MPRIP: variants seen among roughly 807,000 people sequenced by gnomAD.
The protein encoded by MPRIP is myosin phosphatase Rho-interacting protein.
In MPRIP, 59 loss-of-function variants were observed where a neutral mutation model predicts 234.9. The observed-to-expected ratio is 0.25, with a 90% CI of 0.20 to 0.31. The LOEUF is 0.31. MPRIP is among the 10% of genes least tolerant of loss of function. The pLI, the probability that MPRIP is intolerant of heterozygous loss-of-function variation, is 1.00. For synonymous variants in MPRIP, 1,144 were observed against 1,263.9 expected (o/e 0.91, Z 2.01); for missense variants, 2,436 against 3,071.0 (o/e 0.79, Z 4.89).
chr17:17,183,246 C>G (rs2046409597), intron 23 of MPRIP: 1 of 152,310 alleles, frequency 6.6e-6, no homozygotes, highest in African/African-American at 2.4e-5. Flanking sequence ...GACGGAGTCT[C>G]GCTCTGTCGC....
At chr17:17,062,805 C>A (rs1035843404) in intron 1 of MPRIP, among the ~76,000 whole-genome samples, 2 of 152,180 alleles carry the variant, frequency 1.3e-5, no homozygotes, top group Non-Finnish European at 2.9e-5. Flanking sequence ...AGGAATGAGA[C>A]TGTTTGCTTC....
chr17:17,176,395 ATATTGGT>A, intron 20 of MPRIP, 24 bp from the exon 21 acceptor site: 1 of 1,561,456 alleles, frequency 6.4e-7, no homozygotes, highest in Non-Finnish European at 8.8e-7. Context: ...TTGCTCCTGA[ATATTGGT>A]CCCTGATCTC....
chr17:17,053,930 C>CTTACTGCATAGTTT (rs2088617536), intron 1 of MPRIP, among the ~76,000 whole-genome samples: 1 of 152,216 alleles, frequency 6.6e-6, no homozygotes, highest in Non-Finnish European at 1.5e-5. Flanking sequence ...TCCTCACCGT[C>CTTACTGCATAGTTT]ATTGATGGGC....
intron 1 of MPRIP, among the ~76,000 whole-genome samples, chr17:17,063,307 A>G (rs2088922212): frequency 6.6e-6 from 1 of 152,180 alleles, no homozygotes; most frequent in South Asian, 2.1e-4. Flanking sequence ...CCAACTTTGT[A>G]CTGGGTGCTT....
intron 3 of MPRIP, among the ~76,000 whole-genome samples, chr17:17,119,881 C>T (rs2090355884): frequency 6.6e-6 from 1 of 152,172 alleles, no homozygotes; most frequent in Admixed American, 6.5e-5. Context: ...TGCATGTGTG[C>T]ACTTGTGTGT....
At chr17:17,113,650 G>A (rs533313202) in intron 3 of MPRIP, among the ~76,000 whole-genome samples, 55 of 152,224 alleles carry the variant, frequency 3.6e-4, no homozygotes, top group Non-Finnish European at 6.3e-4. Flanking sequence ...CAGTTCCTCT[G>A]GGTATATACC....
Position 17,154,387 on chromosome 17 carries a change from C to T in MPRIP, c.1801C>T (p.His601Tyr). 1.2e-6 allele frequency: 2 copies of T among 1,614,164 alleles called. No homozygotes were observed. Among genetic ancestry groups the T allele is most frequent in the Non-Finnish European group, 8.5e-7 (1 of 1,180,008 alleles). Residue 601 changes from histidine to tyrosine, a missense_variant, in exon 13 of 24, where the codon CAC becomes TAC. Coordinates refer to ENST00000651222, the MANE Select transcript of MPRIP (RefSeq NM_001364716.4). ...GATCCAGACCATCATGAAGCACGTG[C>T]ACCCGACCACTGCCCCGGATGTGAC... Reference protein sequence around the residue: ...NWIQTIMKHVHPTTAPDVTSS... With the variant: ...NWIQTIMKHVYPTTAPDVTSS...
chr17:17,150,041 T>C (rs1254724331), intron 11 of MPRIP, 103 bp from the exon 12 acceptor site: 2 of 833,140 alleles, frequency 2.4e-6, no homozygotes, highest in Non-Finnish European at 4.1e-6. Flanking sequence ...GTGTATACTA[T>C]TAAAAGTAAA....
intron 16 of MPRIP, chr17:17,168,896 C>T (rs1396985218): frequency 2.2e-6 from 1 of 456,568 alleles, no homozygotes; most frequent in Non-Finnish European, 4.4e-6. Context: ...GCTGCCACTG[C>T]TCCTGCCTAC....
At chr17:17,067,790 C>T (rs1481796609) in intron 1 of MPRIP, among the ~76,000 whole-genome samples, 22 of 76,774 alleles carry the variant, frequency 2.9e-4, no homozygotes, top group East Asian at 9.0e-4. Flanking sequence ...CTTCTTCTTC[C>T]TTTTTTTTTT....
At chr17:17,086,283 G>T (rs1361461708) in intron 3 of MPRIP, among the ~76,000 whole-genome samples, 1 of 152,146 alleles carries the variant, frequency 6.6e-6, no homozygotes, top group East Asian at 1.9e-4. Flanking sequence ...GTGTTGAGAA[G>T]GTTCTTCCAG....
Position 17,078,166 on chromosome 17 carries a change from A to C in MPRIP, c.267+90A>C. 1 of 1,295,376 alleles carries C rather than the reference A, an allele frequency of 7.7e-7. No homozygotes were observed. The highest frequency in any genetic ancestry group is 1.1e-6 in the Non-Finnish European group (1 of 896,168). 80.2% of individuals were successfully genotyped at this position (1,295,376 alleles called of 1,614,324 possible). A position where few individuals can be genotyped will look rare whatever the true frequency, so the allele number is the denominator to read the frequency against. On this transcript the variant is annotated intron_variant, in intron 3 of 23. Coordinates refer to ENST00000651222, the MANE Select transcript of MPRIP (RefSeq NM_001364716.4). The surrounding 1 kb of genome is among the most constrained non-coding windows in gnomAD (Gnocchi z 4.3). ...TTGCGTTGTCATGTGAGAGCACAGC[A>C]GCCATGTGCTCCTGCTTGTGTCTGT...
chr17:17,116,029 G>A (rs185227367), intron 3 of MPRIP, among the ~76,000 whole-genome samples: 60 of 152,210 alleles, frequency 3.9e-4, no homozygotes, highest in African/African-American at 4.3e-4. Context: ...TAAATAAAAC[G>A]TATCTATTAC....
In MPRIP at chr17:17,077,686, G is replaced by A; in HGVS notation, c.202-325G>A. 3 of 319,182 alleles carry A rather than the reference G, an allele frequency of 9.4e-6. No homozygotes were observed. In the South Asian group the frequency reaches 1.3e-4, roughly 14 times the overall value. 19.8% of individuals were successfully genotyped at this position (319,182 alleles called of 1,614,324 possible). On this transcript the variant is annotated intron_variant, in intron 2 of 23. Transcript: ENST00000651222. ...CATGTCATGTGATGCATTCTATGCT[G>A]AGCACCATCAGGAATACAAAAAGGT... is the stretch of plus-strand genomic sequence containing the variant.
intron 3 of MPRIP, among the ~76,000 whole-genome samples, chr17:17,124,448 G>C (rs769271190): frequency 6.6e-6 from 1 of 152,186 alleles, no homozygotes; most frequent in Non-Finnish European, 1.5e-5. Flanking sequence ...CTGGCACCAT[G>C]GTATGGATAC....
At chr17:17,179,448 CAAAA>C (rs55651414) in intron 22 of MPRIP, 2 of 73,044 alleles carry the variant, frequency 2.7e-5, no homozygotes, top group Non-Finnish European at 2.7e-5. Flanking sequence ...GACTCCATCT[CAAAA>C]AAAAAAAAAA....
rs1039814268 is a variant in MPRIP at position 17,147,469 on chromosome 17, C to G, written c.1629+82C>G. Reference sequence around the variant, plus strand: ...TCTGGGGCTAGTAGATCTGCTTCCCCCTGGGCTAATGTCCCCACTTCTGAG... The same window carrying G: ...TCTGGGGCTAGTAGATCTGCTTCCCGCTGGGCTAATGTCCCCACTTCTGAG... On this transcript the variant is annotated intron_variant, in intron 11 of 23. Coordinates refer to ENST00000651222, the MANE Select transcript of MPRIP (RefSeq NM_001364716.4). The G allele has an allele frequency of 8.9e-6, 12 of 1,347,300 alleles. No individual in the cohort carries two copies. The East Asian group carries it at 2.5e-4, about 28-fold the overall frequency. 83.5% of individuals were successfully genotyped at this position (1,347,300 alleles called of 1,614,324 possible).
Position 17,154,422 on chromosome 17 carries a change from T to A in MPRIP, c.1829+7T>A. On this transcript the variant is annotated splice_region_variant and intron_variant, in intron 13 of 23. Transcript: ENST00000651222. ...CTGCCCCGGATGTGACCAGGTAGGA[T>A]GGTGAAGACACCAGGGAGCCCTTTG... 1 of 1,613,160 alleles carries A rather than the reference T, an allele frequency of 6.2e-7. No homozygotes were observed. Among genetic ancestry groups the A allele is most frequent in the Non-Finnish European group, 8.5e-7 (1 of 1,179,180 alleles).
rs4985719 is a variant in MPRIP at position 17,078,968 on chromosome 17, A to C, written c.267+892A>C. Among the ~76,000 whole-genome samples the C allele has an allele frequency of 0.083, 12,585 of 152,110 alleles. 737 individuals carry two copies. Among genetic ancestry groups the C allele is most frequent in the East Asian group, 0.16 (850 of 5,166 alleles). On this transcript the variant is annotated intron_variant, in intron 3 of 23. Coordinates refer to ENST00000651222, the MANE Select transcript of MPRIP (RefSeq NM_001364716.4). The surrounding 1 kb of genome is among the most constrained non-coding windows in gnomAD (Gnocchi z 4.3). ...TATGTAAAATAGGCAGCCCCTGCCT[A>C]TCCTACCCAGAGTTTGTTTCTTTGC...
Sources: gnomAD v4.1 joint callset for allele counts (sites outside exome capture counted in the v4.1 genomes callset) on GRCh38, gnomAD v4.1.1 for gene constraint, Gnocchi (gnomAD v3.1) non-coding constraint, MANE v1.5 for transcripts, NCBI Gene and HGNC (gene_info 2026-07-23, HGNC 2026-07-21) for gene names.